IMMP2L: variants seen among roughly 807,000 people sequenced by gnomAD.
IMMP2L encodes inner mitochondrial membrane peptidase subunit 2.
In IMMP2L, 18 loss-of-function variants were observed where a neutral mutation model predicts 19.3. The observed-to-expected ratio is 0.93, with a 90% CI of 0.64 to 1.38. The LOEUF is 1.38. Ranked by LOEUF, IMMP2L falls within the 40% of genes most tolerant of loss-of-function variation. The pLI is 0.00. For missense variants in IMMP2L, 233 were observed against 218.2 expected, an observed-to-expected ratio of 1.07 and a Z score of -0.43; for synonymous variants, 76 against 73.0, an observed-to-expected ratio of 1.04 and a Z score of -0.21.
intron 3 of IMMP2L, among the ~76,000 whole-genome samples, chr7:111,069,047 G>A (rs561456741): frequency 4.6e-5 from 7 of 151,570 alleles, no homozygotes; most frequent in Admixed American, 2.0e-4. Flanking sequence ...ACACTATATT[G>A]AGCCAAGAGG....
At chr7:110,880,388 TGTC>T (rs1434608308) in intron 5 of IMMP2L, among the ~76,000 whole-genome samples, 1 of 152,116 alleles carries the variant, frequency 6.6e-6, no homozygotes, top group African/African-American at 2.4e-5. Context: ...CAAAAAAAGC[TGTC>T]TTCCAGCTCA....
intron 2 of IMMP2L, among the ~76,000 whole-genome samples, chr7:111,487,590 C>A (rs1182639345): frequency 6.6e-6 from 1 of 152,048 alleles, no homozygotes; most frequent in Non-Finnish European, 1.5e-5. Context: ...ACATTAAAAT[C>A]TTTAGTAAAC....
intron 3 of IMMP2L, among the ~76,000 whole-genome samples, chr7:111,317,228 G>C (rs1824207711): frequency 6.6e-6 from 1 of 151,988 alleles, no homozygotes; most frequent in South Asian, 2.1e-4. Flanking sequence ...TTTACATCCT[G>C]TACCCACTCA....
intron 3 of IMMP2L, among the ~76,000 whole-genome samples, chr7:111,362,782 AG>A (rs1477820100): frequency 1.3e-5 from 2 of 152,094 alleles, no homozygotes; most frequent in Admixed American, 1.3e-4. Flanking sequence ...TCATGATGCA[AG>A]GGAATTTTCC....
intron 3 of IMMP2L, among the ~76,000 whole-genome samples, chr7:111,191,694 C>G (rs1336022109): frequency 6.6e-6 from 1 of 152,006 alleles, no homozygotes; most frequent in Non-Finnish European, 1.5e-5. Context: ...CAGTTACTGT[C>G]TTTAGGAAAT....
chr7:110,860,453 T>A (rs992960234), intron 5 of IMMP2L, among the ~76,000 whole-genome samples: 1 of 152,114 alleles, frequency 6.6e-6, no homozygotes, highest in Non-Finnish European at 1.5e-5. Flanking sequence ...TGTTGACAGA[T>A]ACAATTATAG....
chr7:111,306,430 T>C (rs1281474236), intron 3 of IMMP2L, among the ~76,000 whole-genome samples: 1 of 152,184 alleles, frequency 6.6e-6, no homozygotes, highest in Non-Finnish European at 1.5e-5. Context: ...AGAAAATCTC[T>C]GTATGTTCCG....
At chr7:111,290,686 C>A (rs1395007138) in intron 3 of IMMP2L, among the ~76,000 whole-genome samples, 1 of 151,918 alleles carries the variant, frequency 6.6e-6, no homozygotes, top group Non-Finnish European at 1.5e-5. Flanking sequence ...TATGTGAGGC[C>A]TTTCTGATGA....
chr7:110,676,638 T>C (rs1393083594), intron 5 of IMMP2L, among the ~76,000 whole-genome samples: 1 of 152,180 alleles, frequency 6.6e-6, no homozygotes, highest in Non-Finnish European at 1.5e-5. Flanking sequence ...TAACCTACAT[T>C]AATGGAAACA....
At chr7:110,976,634 C>G (rs1026632637) in intron 3 of IMMP2L, among the ~76,000 whole-genome samples, 4 of 151,876 alleles carry the variant, frequency 2.6e-5, no homozygotes, top group African/African-American at 9.7e-5. Context: ...GTTTATAGAT[C>G]AGTGGTCCTG....
At chr7:111,113,251 A>G (rs920862407) in intron 3 of IMMP2L, among the ~76,000 whole-genome samples, 1 of 152,190 alleles carries the variant, frequency 6.6e-6, no homozygotes, top group Non-Finnish European at 1.5e-5. Context: ...TATTCTGTCA[A>G]ACTGAGTTAA....
rs571028064 is a variant in IMMP2L, at chr7:111,029,337, T to G, written c.240-65772A>C. On this transcript the variant is annotated intron_variant, in intron 3 of 5. Coordinates refer to ENST00000405709, the MANE Select transcript of IMMP2L (RefSeq NM_032549.4). ...ATGAGAGCCGGCAATATCTTCACAC[T>G]TTTCAAAGTGCTCTTGTGGGTGGTT... Among the ~76,000 whole-genome samples, 96 of 152,280 alleles carry G rather than the reference T, an allele frequency of 6.3e-4. 2 individuals carry two copies. The South Asian group carries it at 0.012, about 19-fold the overall frequency.
chr7:110,850,064 T>C (rs1806043952), intron 5 of IMMP2L, among the ~76,000 whole-genome samples: 1 of 152,006 alleles, frequency 6.6e-6, no homozygotes, highest in Admixed American at 6.6e-5. Flanking sequence ...TATAATTGTC[T>C]ACCTAGAAAT....
At chr7:110,858,674 A>C (rs1405358633) in intron 5 of IMMP2L, among the ~76,000 whole-genome samples, 1 of 151,992 alleles carries the variant, frequency 6.6e-6, no homozygotes, top group African/African-American at 2.4e-5. Context: ...ACATATGTAT[A>C]CATGTGCCAT....
intron 2 of IMMP2L, among the ~76,000 whole-genome samples, chr7:111,501,332 C>G (rs1459121282): frequency 6.6e-6 from 1 of 152,000 alleles, no homozygotes; most frequent in Non-Finnish European, 1.5e-5. Flanking sequence ...GTGAAAAGAC[C>G]AAATCTACGT....
At chr7:110,882,323 TCC>T (rs1241200661) in intron 5 of IMMP2L, among the ~76,000 whole-genome samples, 1 of 104,970 alleles carries the variant, frequency 9.5e-6, no homozygotes, top group African/African-American at 2.9e-5. Context: ...CTTCCTTCCT[TCC>T]TTCCTTCCTT....
At chr7:111,429,927 T>C (rs1034712656) in intron 3 of IMMP2L, among the ~76,000 whole-genome samples, 4 of 152,028 alleles carry the variant, frequency 2.6e-5, no homozygotes, top group Middle Eastern at 3.4e-3. Context: ...GCAAGTATGC[T>C]TGGATAAGAA....
intron 5 of IMMP2L, among the ~76,000 whole-genome samples, chr7:110,881,644 AT>A (rs1809645022): frequency 6.6e-6 from 1 of 152,208 alleles, no homozygotes; most frequent in Admixed American, 6.5e-5. Context: ...GAAATGGCTG[AT>A]TTTAAATAAA....
intron 3 of IMMP2L, among the ~76,000 whole-genome samples, chr7:111,387,622 G>GGCACTT (rs1194024267): frequency 6.6e-6 from 1 of 152,052 alleles, no homozygotes; most frequent in African/African-American, 2.4e-5. Flanking sequence ...TTGCATAACA[G>GGCACTT]AATCTTAAGC....
Sources: allele counts gnomAD v4.1 joint callset (sites outside exome capture counted in the v4.1 genomes callset), GRCh38; gene constraint gnomAD v4.1.1; transcripts MANE v1.5; gene names NCBI Gene and HGNC (gene_info 2026-07-23, HGNC 2026-07-21).